Variants in THSD4 observed in about 807,000 individuals in gnomAD.
The protein encoded by THSD4 is thrombospondin type 1 domain containing 4, also known as thrombospondin type-1 domain-containing protein 4.
THSD4 carries 69 observed loss-of-function variants against 119.0 expected under a neutral mutation model. The observed-to-expected ratio is 0.58, with a 90% CI of 0.48 to 0.71. The LOEUF is 0.71. Ranked by LOEUF, THSD4 falls within the 30% of genes least tolerant of loss-of-function variation. The probability of loss-of-function intolerance (pLI) is 0.00; values close to 1 mark genes in which losing one functional copy is unlikely to be tolerated. For missense variants in THSD4, 1,393 were observed against 1,391.1 expected (o/e 1.00, Z -0.02); for synonymous variants, 524 against 540.4 (o/e 0.97, Z 0.42).
At position 71,473,530 on chromosome 15, in the gene THSD4, CATA is replaced by C. The variant is rs3985600; in HGVS notation, c.1152+61708_1152+61710del. Among the ~76,000 whole-genome samples, 889 of 152,280 alleles carry C rather than the reference CATA, an allele frequency of 5.8e-3. 17 individuals carry two copies. The South Asian group carries it at 0.059, about 10-fold the overall frequency. ...AACCTATTGGTAAATGACTGTTCAC[CATA>C]GTAATGGTAACAGCCTGAACACTAA... On this transcript the variant is annotated intron_variant, in intron 7 of 17. Coordinates refer to ENST00000261862, the MANE Select transcript of THSD4 (RefSeq NM_024817.3).
chr15:71,768,336 GAT>G (rs2053751773), intron 16 of THSD4, among the ~76,000 whole-genome samples: 1 of 151,668 alleles, frequency 6.6e-6, no homozygotes, highest in Admixed American at 6.6e-5. Flanking sequence ...ATGTTCAGGA[GAT>G]ATAGAGCATA....
chr15:71,424,660 G>A (rs1415825813), intron 7 of THSD4, among the ~76,000 whole-genome samples: 2 of 152,096 alleles, frequency 1.3e-5, no homozygotes, highest in Admixed American at 6.5e-5. Context: ...TTATGCAAGC[G>A]AAATATCACT....
intron 7 of THSD4, among the ~76,000 whole-genome samples, chr15:71,536,302 C>G (rs553743182): frequency 1.3e-3 from 202 of 152,334 alleles, no homozygotes; most frequent in Non-Finnish European, 2.4e-3. Context: ...GTTCCCAGGT[C>G]CCCTTCATCT....
chr15:71,172,532 A>G (rs2043379182), intron 3 of THSD4, among the ~76,000 whole-genome samples: 1 of 150,774 alleles, frequency 6.6e-6, no homozygotes, highest in Non-Finnish European at 1.5e-5. Flanking sequence ...TAAAATAGCC[A>G]AAACAAATTT....
chr15:71,611,675 G>A lies in THSD4; in HGVS notation c.1153-48855G>A, dbSNP rs764401753. On this transcript the variant is annotated intron_variant, in intron 7 of 17. Coordinates refer to ENST00000261862, the MANE Select transcript of THSD4 (RefSeq NM_024817.3). ...GCAGAGAACAGAGAAGGATTAACCCGGCCTGGGGTGGCCAGGAAAGGTTTC... is the reference window on the plus strand; with the variant it reads ...GCAGAGAACAGAGAAGGATTAACCCAGCCTGGGGTGGCCAGGAAAGGTTTC... 3.1e-4 allele frequency among the ~76,000 whole-genome samples: 47 copies of A among 152,224 alleles called. 1 individual carries two copies. Among genetic ancestry groups the A allele is most frequent in the Non-Finnish European group, 5.0e-4 (34 of 68,042 alleles).
At chr15:71,368,490 G>C (rs2045998762) in intron 6 of THSD4, among the ~76,000 whole-genome samples, 1 of 152,194 alleles carries the variant, frequency 6.6e-6, no homozygotes, top group Non-Finnish European at 1.5e-5. Flanking sequence ...TCCAGTTTCA[G>C]CTTTCCACAT....
intron 1 of THSD4, among the ~76,000 whole-genome samples, chr15:71,105,871 T>C (rs1359270734): frequency 2.0e-5 from 3 of 151,656 alleles, no homozygotes; most frequent in Non-Finnish European, 4.4e-5. Flanking sequence ...CTTATATTAA[T>C]AGAGAAAAAA....
rs575247479 is a variant in THSD4, at chr15:71,524,651, C to T, written c.1152+112828C>T. Among the ~76,000 whole-genome samples, 173 of 121,958 alleles carry T rather than the reference C, an allele frequency of 1.4e-3. No homozygotes were observed. In the South Asian group the frequency reaches 0.021, roughly 15 times the overall value. The allele number at this position is 121,958 out of a possible 152,430, so 80.0% of individuals were successfully genotyped here. ...TCTATCTGTCACCCAGGCTGGAGTG[C>T]AGTGGTGCAGTCTCAGCTCACTGCA... On this transcript the variant is annotated intron_variant, in intron 7 of 17. Transcript: ENST00000261862.
intron 6 of THSD4, among the ~76,000 whole-genome samples, chr15:71,369,947 C>T (rs1393939608): frequency 2.0e-5 from 3 of 152,098 alleles, no homozygotes; most frequent in Non-Finnish European, 4.4e-5. Context: ...TACTTAGTGC[C>T]TCAATTTCAG....
At chr15:71,404,846 TCTTTCTTTTCTTTCTTTTCTTTC>T (rs1260306785) in intron 6 of THSD4, among the ~76,000 whole-genome samples, 16 of 141,350 alleles carry the variant, frequency 1.1e-4, no homozygotes, top group Non-Finnish European at 2.4e-4. Flanking sequence ...GTCTTCTCTT[TCTTTCTTTTCTTTCTTTTCTTTC>T]CTTTCTTTTC....
At chr15:71,575,120 C>T (rs1368593676) in intron 7 of THSD4, among the ~76,000 whole-genome samples, 1 of 152,180 alleles carries the variant, frequency 6.6e-6, no homozygotes. Flanking sequence ...AGAGATTACT[C>T]TCTTGTCTCA....
intron 4 of THSD4, among the ~76,000 whole-genome samples, chr15:71,235,451 A>C (rs1050663212): frequency 2.6e-5 from 4 of 152,166 alleles, no homozygotes; most frequent in Non-Finnish European, 5.9e-5. Flanking sequence ...ATTCCCCACT[A>C]TTCAGCTTTC....
Position 71,393,181 on chromosome 15 carries a change from G to C in THSD4, c.1016-18506G>C, listed in dbSNP as rs369175452. ...GTTCAGTTCCAGTTGAATGTGGAGG[G>C]CTGCATTCGTTTGGTAAATAGTGGT... On this transcript the variant is annotated intron_variant, in intron 6 of 17. Coordinates refer to ENST00000261862, the MANE Select transcript of THSD4 (RefSeq NM_024817.3). 5.9e-5 allele frequency among the ~76,000 whole-genome samples: 9 copies of C among 151,700 alleles called. 1 individual carries two copies. The highest frequency in any genetic ancestry group is 2.2e-4 in the African/African-American group (9 of 41,332).
chr15:71,704,002 A>AC (rs1336946351), intron 8 of THSD4, among the ~76,000 whole-genome samples: 1 of 151,734 alleles, frequency 6.6e-6, no homozygotes, highest in Non-Finnish European at 1.5e-5. Context: ...GGCGCCCACC[A>AC]CCACGCCCGG....
At chr15:71,423,146 A>T (rs949922180) in intron 7 of THSD4, among the ~76,000 whole-genome samples, 1 of 152,054 alleles carries the variant, frequency 6.6e-6, no homozygotes, top group Non-Finnish European at 1.5e-5. Context: ...AAGGCCTAAA[A>T]TTAGGGACTC....
At chr15:71,261,505 T>G (rs535402581) in intron 6 of THSD4, among the ~76,000 whole-genome samples, 38 of 152,290 alleles carry the variant, frequency 2.5e-4, no homozygotes, top group Non-Finnish European at 5.0e-4. Flanking sequence ...AGGAAACTAA[T>G]ATACCTAGTG....
At chr15:71,381,002 T>C (rs1170911086) in intron 6 of THSD4, among the ~76,000 whole-genome samples, 1 of 152,168 alleles carries the variant, frequency 6.6e-6, no homozygotes, top group Non-Finnish European at 1.5e-5. Flanking sequence ...GTAGTGGAAA[T>C]GCACCACCTA....
intron 7 of THSD4, among the ~76,000 whole-genome samples, chr15:71,450,455 A>G (rs969234445): frequency 2.6e-5 from 4 of 152,168 alleles, no homozygotes; most frequent in African/African-American, 9.7e-5. Flanking sequence ...GGCTCAGAAG[A>G]TTCAGCTCAC....
chr15:71,432,524 CT>C (rs59086141), intron 7 of THSD4, among the ~76,000 whole-genome samples: 92,819 of 129,890 alleles, frequency 0.71, 32,883 homozygotes, highest in Admixed American at 0.81. Flanking sequence ...TCCCTCCCTT[CT>C]TTTTTTTTTT....
Sources: gnomAD v4.1 joint callset for allele counts (sites outside exome capture counted in the v4.1 genomes callset) on GRCh38, gnomAD v4.1.1 for gene constraint, MANE v1.5 for transcripts, NCBI Gene and HGNC (gene_info 2026-07-23, HGNC 2026-07-21) for gene names.